The following FBXW11 variants were observed in gnomAD, a reference collection of about 807,000 sequenced individuals.
FBXW11 encodes the protein F-box/WD repeat-containing protein 11.
A neutral mutation model predicts 77.6 loss-of-function variants in FBXW11; 19 were observed. That is an observed-to-expected ratio of 0.24 (90% confidence interval 0.17 to 0.36). The LOEUF is 0.36. Ranked by LOEUF, FBXW11 falls within the 10% of genes least tolerant of loss-of-function variation. FBXW11 has a pLI of 1.00. For missense variants in FBXW11, 334 were observed against 704.2 expected, an observed-to-expected ratio of 0.47 and a Z score of 5.95; for synonymous variants, 235 against 249.4, an observed-to-expected ratio of 0.94 and a Z score of 0.54.
chr5:171,898,484 T>C (rs1319426231), intron 6 of FBXW11, among the ~76,000 whole-genome samples: 5 of 152,150 alleles, frequency 3.3e-5, no homozygotes, highest in African/African-American at 1.2e-4. Context: ...TTTACAGAGT[T>C]TTACTGGTCT....
chr5:172,006,634 C>T lies in FBXW11; in HGVS notation c.-132G>A. ...TCTAGCTGCCAGCCCGCCCGGGCCG[C>T]CGGCAGCTCCGCCCTCCCCCTCGGC... On this transcript the variant is annotated 5_prime_UTR_variant, in exon 1 of 14. Transcript: ENST00000517395. 3.9e-6 allele frequency: 5 copies of T among 1,298,050 alleles called. No homozygotes were observed. In the South Asian group the frequency reaches 6.6e-5, roughly 17 times the overall value. 80.4% of individuals were successfully genotyped at this position (1,298,050 alleles called of 1,614,324 possible).
chr5:171,885,915 G>A (rs1320957597), intron 7 of FBXW11, among the ~76,000 whole-genome samples: 1 of 152,174 alleles, frequency 6.6e-6, no homozygotes, highest in Non-Finnish European at 1.5e-5. Context: ...AAGGATTGGT[G>A]CAGAATAGAG....
intron 13 of FBXW11, chr5:171,867,948 G>A (rs1757516284): frequency 6.6e-6 from 1 of 152,258 alleles, no homozygotes; most frequent in African/African-American, 2.4e-5. Flanking sequence ...CAGTTCCTAG[G>A]ACACAGCCAA....
At chr5:171,944,049 T>G (rs1762877307) in intron 2 of FBXW11, among the ~76,000 whole-genome samples, 1 of 152,144 alleles carries the variant, frequency 6.6e-6, no homozygotes, top group Non-Finnish European at 1.5e-5. Flanking sequence ...ATTAGCTTTT[T>G]GGATAATTAA....
chr5:171,891,844 G>A (rs567238815), intron 6 of FBXW11, among the ~76,000 whole-genome samples: 12 of 152,094 alleles, frequency 7.9e-5, no homozygotes. Context: ...GTTTTGGACT[G>A]GGCTTGAAAA....
intron 3 of FBXW11, among the ~76,000 whole-genome samples, chr5:171,912,161 G>GT: frequency 6.6e-6 from 1 of 152,202 alleles, no homozygotes; most frequent in East Asian, 1.9e-4. Context: ...GGAGTCTTCA[G>GT]TTTTCCTTCA....
intron 6 of FBXW11, among the ~76,000 whole-genome samples, chr5:171,893,072 G>A (rs1270198515): frequency 2.0e-5 from 3 of 152,034 alleles, no homozygotes; most frequent in Non-Finnish European, 2.9e-5. Context: ...TAATTTAATC[G>A]TGACTCTGAA....
intron 7 of FBXW11, among the ~76,000 whole-genome samples, chr5:171,880,782 C>T (rs965305131): frequency 1.7e-4 from 26 of 152,102 alleles, no homozygotes; most frequent in African/African-American, 6.0e-4. Flanking sequence ...CTGCAACCTC[C>T]GCCTCCCAAG....
intron 7 of FBXW11, among the ~76,000 whole-genome samples, chr5:171,878,594 G>GAGAGAC (rs1554094773): frequency 9.9e-6 from 1 of 100,660 alleles, no homozygotes; most frequent in South Asian, 4.1e-4. Flanking sequence ...GTGTGTGTAA[G>GAGAGAC]AGAGAGAGAG....
intron 7 of FBXW11, among the ~76,000 whole-genome samples, chr5:171,878,498 G>C (rs1428927487): frequency 6.6e-6 from 1 of 151,912 alleles, no homozygotes; most frequent in African/African-American, 2.4e-5. Context: ...AGGATCGCTT[G>C]AGCCCAGAAG....
intron 4 of FBXW11, chr5:171,908,843 T>C (rs1581184330): frequency 6.6e-6 from 1 of 152,314 alleles, no homozygotes; most frequent in Middle Eastern, 3.4e-3. Flanking sequence ...GCTGTGGAAG[T>C]ACTTAGAACA....
At chr5:171,931,456 A>G (rs1355615717) in intron 2 of FBXW11, among the ~76,000 whole-genome samples, 1 of 152,222 alleles carries the variant, frequency 6.6e-6, no homozygotes, top group Non-Finnish European at 1.5e-5. Flanking sequence ...CTCATCAACA[A>G]ATGGACATCT....
chr5:171,926,452 T>C (rs1761896199), intron 2 of FBXW11, among the ~76,000 whole-genome samples: 1 of 152,214 alleles, frequency 6.6e-6, no homozygotes, highest in African/African-American at 2.4e-5. Flanking sequence ...TGAGGCCTGG[T>C]GGGAGGTGAC....
intron 4 of FBXW11, among the ~76,000 whole-genome samples, chr5:171,903,772 A>G (rs916314235): frequency 1.4e-4 from 22 of 151,964 alleles, no homozygotes; most frequent in Admixed American, 1.3e-3. Context: ...CAGCCTCCCT[A>G]GTAGCTGAGA....
chr5:171,959,866 A>G (rs561395913), intron 1 of FBXW11, among the ~76,000 whole-genome samples: 39 of 151,724 alleles, frequency 2.6e-4, no homozygotes, highest in African/African-American at 9.4e-4. Flanking sequence ...AAAAAAGAAA[A>G]GAAAAGAAAA....
At chr5:171,916,454 C>T in intron 2 of FBXW11, 1 of 985,252 alleles carries the variant, frequency 1.0e-6, no homozygotes, top group Non-Finnish European at 1.2e-6. Flanking sequence ...TGAAAATCAA[C>T]CATGAGCTAG....
chr5:171,873,142 G>A (rs1757857160), intron 9 of FBXW11, 152 bp from the exon 10 acceptor site: 1 of 650,762 alleles, frequency 1.5e-6, no homozygotes, highest in South Asian at 1.9e-5. Flanking sequence ...AGGCTGGGGG[G>A]CAGACTAGAC....
intron 1 of FBXW11, among the ~76,000 whole-genome samples, chr5:171,975,300 T>C (rs1006502610): frequency 3.9e-5 from 6 of 152,108 alleles, no homozygotes; most frequent in Admixed American, 3.3e-4. Flanking sequence ...GGAAGGAACA[T>C]GAGAGTTTAC....
intron 2 of FBXW11, among the ~76,000 whole-genome samples, chr5:171,932,160 C>A (rs1762243977): frequency 6.6e-6 from 1 of 151,994 alleles, no homozygotes; most frequent in South Asian, 2.1e-4. Context: ...TAGGTGTGAG[C>A]CACCATGCCT....
Sources: allele counts gnomAD v4.1 joint callset (sites outside exome capture counted in the v4.1 genomes callset), GRCh38; gene constraint gnomAD v4.1.1; transcripts MANE v1.5; gene names NCBI Gene and HGNC (gene_info 2026-07-23, HGNC 2026-07-21).